IGF2R: variants seen among roughly 807,000 people sequenced by gnomAD.
IGF2R encodes insulin like growth factor 2 receptor.
Under a neutral mutation model 270.6 loss-of-function variants are expected in IGF2R, and 91 were observed. The observed-to-expected ratio is 0.34, with a 90% CI of 0.28 to 0.40. The LOEUF is 0.40. Among genes scored for constraint, IGF2R ranks in the 10% least tolerant of loss-of-function variants. IGF2R has a pLI of 1.00. For missense variants in IGF2R, 2,805 were observed against 3,188.3 expected (o/e 0.88, Z 2.90); for synonymous variants, 1,316 against 1,258.9 (o/e 1.05, Z -0.96).
chr6:160,079,736 C>A lies in IGF2R; in HGVS notation c.5635C>A (p.Gln1879Lys). Residue 1879 changes from glutamine to lysine, a missense_variant, in exon 38 of 48, where the codon CAG becomes AAG. By Grantham distance (53) the Gln-to-Lys change is moderately conservative. Coordinates refer to ENST00000356956, the MANE Select transcript of IGF2R (RefSeq NM_000876.4). ...LQSMKLDYRH[Q>K]DEAVVLSYVN... is the part of the protein sequence containing the mutation. ...ATCAATGAAACTGGATTACAGGCACCAGGATGAAGCGGTCGTTTTAAGTTA... is the reference window on the plus strand; with the variant it reads ...ATCAATGAAACTGGATTACAGGCACAAGGATGAAGCGGTCGTTTTAAGTTA... 6.7e-7 allele frequency: 1 copy of A among 1,487,302 alleles called. No individual in the cohort carries two copies. 92.1% of individuals were successfully genotyped at this position (1,487,302 alleles called of 1,614,324 possible). A position where few individuals can be genotyped will look rare whatever the true frequency, so the allele number is the denominator to read the frequency against.
intron 2 of IGF2R, among the ~76,000 whole-genome samples, chr6:159,999,336 G>A (rs1407748214): frequency 1.3e-5 from 2 of 152,182 alleles, no homozygotes; most frequent in East Asian, 1.9e-4. Flanking sequence ...GGGGTTAATC[G>A]GAAGTCAGCA....
chr6:160,045,859 G>A lies in IGF2R; in HGVS notation c.1880G>A (p.Cys627Tyr). 6.3e-7 allele frequency: 1 copy of A among 1,589,488 alleles called. No homozygotes were observed. The highest frequency in any genetic ancestry group is 8.6e-7 in the Non-Finnish European group (1 of 1,168,350). The change falls in exon 14 of 48, where the codon TGC becomes TAC. Residue 627 changes from cysteine (C) to tyrosine (Y), a missense_variant. Physicochemically the swap from Cys to Tyr is radical, Grantham distance 194 (BLOSUM62 -2). Transcript: ENST00000356956. ...CTGTCTAAGACAGAAGGGGAGAACT[G>A]CACGGTCTTTGACTCCCAGGCAGGT... ...CVLSKTEGEN[C>Y]TVFDSQAGFS... is the part of the protein sequence containing the mutation.
At chr6:160,002,881 T>C (rs1784151157) in intron 2 of IGF2R, among the ~76,000 whole-genome samples, 1 of 152,236 alleles carries the variant, frequency 6.6e-6, no homozygotes, top group Admixed American at 6.5e-5. Context: ...CACATTTTTT[T>C]CTAACACATC....
intron 28 of IGF2R, 84 bp downstream of exon 28, chr6:160,064,615 G>A: frequency 6.8e-7 from 1 of 1,467,302 alleles, no homozygotes; most frequent in Non-Finnish European, 9.4e-7. Flanking sequence ...TCTGTCCTCA[G>A]ATCTCATCAA....
chr6:159,969,133 C>T lies in IGF2R; in HGVS notation c.-114C>T. ...TCGAGCCGCGCTCACCTCGGGCTCC[C>T]GCTCCGTCTCCACCTCCGCCTTTGC... On this transcript the variant is annotated 5_prime_UTR_variant, in exon 1 of 48. Transcript: ENST00000356956. The T allele has an allele frequency of 1.8e-6, 1 of 568,520 alleles. No homozygotes were observed. Among genetic ancestry groups the T allele is most frequent in the Non-Finnish European group, 2.2e-6 (1 of 449,946 alleles). The allele number at this position is 568,520 out of a possible 1,614,324, so 35.2% of individuals were successfully genotyped here.
intron 2 of IGF2R, among the ~76,000 whole-genome samples, chr6:159,997,068 T>C (rs1349762712): frequency 1.3e-5 from 2 of 152,150 alleles, no homozygotes; most frequent in East Asian, 1.9e-4. Flanking sequence ...ACCACCTGGC[T>C]CCTGGGCTGG....
chr6:160,069,726 G>T (rs1778673488), intron 30 of IGF2R, 142 bp from the exon 31 acceptor site: 1 of 711,992 alleles, frequency 1.4e-6, no homozygotes, highest in Admixed American at 2.8e-5. Flanking sequence ...TGACTTATGT[G>T]AAAGAAATAG....
At chr6:160,069,843 C>T (rs1227958394) in intron 30 of IGF2R, 25 bp from the exon 31 acceptor site, 2 of 1,609,774 alleles carry the variant, frequency 1.2e-6, no homozygotes, top group East Asian at 2.2e-5. Context: ...CTAAAGGCAA[C>T]TCTTTCTTGT....
chr6:160,047,892 A>G lies in IGF2R; in HGVS notation c.2330A>G (p.Gln777Arg). 1.2e-6 allele frequency: 2 copies of G among 1,610,024 alleles called. No homozygotes were observed. Among genetic ancestry groups the G allele is most frequent in the Non-Finnish European group, 1.7e-6 (2 of 1,176,248 alleles). ...GTGACCGACCCCTCCACGCTGGAGCAGTACGACCTCTCCAGGTGAGGCAGA... is the reference window on the plus strand; with the variant it reads ...GTGACCGACCCCTCCACGCTGGAGCGGTACGACCTCTCCAGGTGAGGCAGA... ...CVVTDPSTLE[Q>R]YDLSSLAKSE... is the part of the protein sequence containing the mutation. Residue 777 changes from glutamine (Q) to arginine (R), a missense_variant, in exon 17 of 48, where the codon CAG (glutamine) becomes CGG (arginine). Physicochemically the swap from Gln to Arg is conservative, Grantham distance 43 (BLOSUM62 1). Transcript: ENST00000356956.
In IGF2R at chr6:159,969,462, G is replaced by A. The variant is rs888958984; in HGVS notation, c.149+67G>A. On this transcript the variant is annotated intron_variant, in intron 1 of 47. Coordinates refer to ENST00000356956, the MANE Select transcript of IGF2R (RefSeq NM_000876.4). ...GGGGTGAGCGGCCGGCGTGGGGGGC[G>A]GGGAGCGCTCGAGGAGCTCCTGGGG... 6 of 1,111,232 alleles carry A rather than the reference G, an allele frequency of 5.4e-6. No individual in the cohort carries two copies. In the African/African-American group the frequency reaches 8.3e-5, roughly 15 times the overall value. 68.8% of individuals were successfully genotyped at this position (1,111,232 alleles called of 1,614,324 possible).
chr6:159,994,655 A>G (rs1414324188), intron 2 of IGF2R, among the ~76,000 whole-genome samples: 1 of 151,966 alleles, frequency 6.6e-6, no homozygotes, highest in African/African-American at 2.4e-5. Context: ...ATTTATATTC[A>G]TTTCAAAAAA....
At chr6:160,080,343 T>C in intron 39 of IGF2R, 68 bp downstream of exon 39, 1 of 1,474,432 alleles carries the variant, frequency 6.8e-7, no homozygotes, top group Non-Finnish European at 9.3e-7. Flanking sequence ...CGATTCACAC[T>C]GAGACCTTTG....
At chr6:160,008,273 C>T (rs781537315) in intron 2 of IGF2R, among the ~76,000 whole-genome samples, 18 of 149,144 alleles carry the variant, frequency 1.2e-4, no homozygotes, top group Non-Finnish European at 8.8e-5. Flanking sequence ...TTTCCAGTTC[C>T]GTTTTTATTT....
chr6:160,051,706 G>C (rs181146915), intron 19 of IGF2R, among the ~76,000 whole-genome samples: 1 of 152,260 alleles, frequency 6.6e-6, no homozygotes, highest in Admixed American at 6.5e-5. Context: ...ATCTAACCCA[G>C]CACTGTGGAA....
intron 10 of IGF2R, among the ~76,000 whole-genome samples, chr6:160,036,961 C>T (rs1029073523): frequency 6.6e-6 from 1 of 152,046 alleles, no homozygotes; most frequent in African/African-American, 2.4e-5. Context: ...CCCATAGCTC[C>T]ATTTTTCCTT....
chr6:159,969,522 C>T (rs1301208642), intron 1 of IGF2R, 127 bp downstream of exon 1: 13 of 739,972 alleles, frequency 1.8e-5, no homozygotes, highest in Non-Finnish European at 2.3e-5. Flanking sequence ...CCGGGGTCCG[C>T]CCCGTTCCCG....
chr6:160,021,282 T>C (rs923521912), intron 4 of IGF2R, among the ~76,000 whole-genome samples: 25 of 152,208 alleles, frequency 1.6e-4, no homozygotes, highest in African/African-American at 5.5e-4. Flanking sequence ...GATGAGTTCA[T>C]GTCCTTTGTA....
intron 2 of IGF2R, among the ~76,000 whole-genome samples, chr6:160,001,520 C>T (rs1784130133): frequency 6.6e-6 from 1 of 152,152 alleles, no homozygotes; most frequent in Non-Finnish European, 1.5e-5. Context: ...AACCATCCCA[C>T]CCCCAGTCCA....
intron 14 of IGF2R, 136 bp downstream of exon 14, chr6:160,046,018 A>G: frequency 1.5e-6 from 1 of 687,276 alleles, no homozygotes; most frequent in Non-Finnish European, 2.3e-6. Flanking sequence ...AATTCTGAAC[A>G]TCCGATGTTT....
Sources: allele counts gnomAD v4.1 joint callset (sites outside exome capture counted in the v4.1 genomes callset), GRCh38; gene constraint gnomAD v4.1.1; transcripts MANE v1.5; gene names NCBI Gene and HGNC (gene_info 2026-07-23, HGNC 2026-07-21).